The following CD46 variants were observed in gnomAD, a reference collection of about 807,000 sequenced individuals.
CD46 encodes the protein CD46 molecule.
In CD46, 30 loss-of-function variants were observed where a neutral mutation model predicts 53.3. The ratio of observed to expected loss-of-function variants is 0.56; its 90% CI spans 0.42 to 0.76. The LOEUF is 0.76. CD46 is among the 30% of genes least tolerant of loss of function. CD46 has a pLI of 0.00. For synonymous variants in CD46, 142 were observed against 152.0 expected, an observed-to-expected ratio of 0.93 and a Z score of 0.48; for missense variants, 409 against 463.0, an observed-to-expected ratio of 0.88 and a Z score of 1.07.
intron 4 of CD46, chr1:207,760,864 G>A (rs1192474538): frequency 4.9e-6 from 1 of 202,680 alleles, no homozygotes; most frequent in Non-Finnish European, 1.0e-5. Context: ...CAAGCACTCA[G>A]TATCACGAGA....
intron 3 of CD46, 83 bp downstream of exon 3, chr1:207,757,725 C>T (rs1558045553): frequency 3.4e-6 from 3 of 889,458 alleles, no homozygotes; most frequent in Non-Finnish European, 5.4e-6. Flanking sequence ...TTCCTGTAAA[C>T]TTAATTTTGC....
chr1:207,763,848 GT>G (rs10661265), intron 5 of CD46, among the ~76,000 whole-genome samples: 16 of 139,760 alleles, frequency 1.1e-4, no homozygotes, highest in African/African-American at 2.1e-4. Flanking sequence ...TGATTTTTTG[GT>G]TTTTTTTTTT....
chr1:207,752,289 T>A lies in CD46; in HGVS notation c.77T>A (p.Leu26Ter). ...GGGTTGCTTCTGGCGGCCATGGTGT[T>A]GCTGCTGTACTCCTTCTCCGGTAGG... ...FPGLLLAAMVLLLYSFSDACE... is the reference protein window; with the variant it reads ...FPGLLLAAMV The change falls in exon 1 of 13, where the codon TTG (leucine) becomes TAG (stop). Residue 26 changes from leucine to a stop codon, truncating the protein, a stop_gained. Transcript: ENST00000367042. LOFTEE classifies it high-confidence loss of function. This position sits in a 1 kb window ranked among gnomAD's most constrained non-coding sequence, Gnocchi z 4.1. 1 of 1,614,126 alleles carries A rather than the reference T, an allele frequency of 6.2e-7. No homozygotes were observed. Among genetic ancestry groups the A allele is most frequent in the African/African-American group, 1.3e-5 (1 of 75,058 alleles).
chr1:207,792,145 G>T (rs111527457), intron 12 of CD46, among the ~76,000 whole-genome samples: 2 of 152,022 alleles, frequency 1.3e-5, no homozygotes, highest in Non-Finnish European at 2.9e-5. Flanking sequence ...GCATGGTGGT[G>T]CACACCTGTA....
At chr1:207,771,776 A>G (rs1657532028) in intron 8 of CD46, among the ~76,000 whole-genome samples, 1 of 152,194 alleles carries the variant, frequency 6.6e-6, no homozygotes, top group Admixed American at 6.5e-5. Flanking sequence ...TGGTACCAGT[A>G]CCATGCTGTT....
intron 3 of CD46, among the ~76,000 whole-genome samples, 183 bp from the exon 4 acceptor site, chr1:207,759,456 G>A (rs1387304112): frequency 6.6e-6 from 1 of 152,120 alleles, no homozygotes; most frequent in Non-Finnish European, 1.5e-5. Flanking sequence ...ATTCAAATGG[G>A]GAAACTCTAT....
chr1:207,756,998 A>G lies in CD46; in HGVS notation c.98-16A>G, dbSNP rs1238717206. The G allele has an allele frequency of 1.9e-6, 3 of 1,607,592 alleles. No homozygotes were observed. The highest frequency in any genetic ancestry group is 2.2e-5 in the East Asian group (1 of 44,828). Reference sequence around the variant, plus strand: ...ATCAGTACTTCATCTTCATGTTCCTATTCTCTTATCCCTAGATGCCTGTGA... The same window carrying G: ...ATCAGTACTTCATCTTCATGTTCCTGTTCTCTTATCCCTAGATGCCTGTGA... On this transcript the variant is annotated splice_polypyrimidine_tract_variant and intron_variant, in intron 1 of 12. Coordinates refer to ENST00000367042, the MANE Select transcript of CD46 (RefSeq NM_172351.3).
chr1:207,770,195 A>C, intron 7 of CD46, 126 bp from the exon 8 acceptor site: 5 of 724,164 alleles, frequency 6.9e-6, no homozygotes, highest in East Asian at 2.7e-5. Flanking sequence ...AAGATGTGGA[A>C]TTGCAAAGTT....
At chr1:207,791,201 G>A (rs1659767076) in intron 12 of CD46, among the ~76,000 whole-genome samples, 1 of 152,152 alleles carries the variant, frequency 6.6e-6, no homozygotes, top group South Asian at 2.1e-4. Context: ...ATCCACGGGG[G>A]ATACATTCCA....
chr1:207,761,528 A>C, intron 5 of CD46, 82 bp downstream of exon 5: 1 of 1,152,970 alleles, frequency 8.7e-7, no homozygotes, highest in Middle Eastern at 2.0e-4. Context: ...AGATAAACAA[A>C]GCAGGTGTAT....
chr1:207,757,408 A>G, intron 2 of CD46, 132 bp from the exon 3 acceptor site: 2 of 779,664 alleles, frequency 2.6e-6, no homozygotes, highest in Non-Finnish European at 4.3e-6. Context: ...ATGAATCTTA[A>G]GTTTGCCCTT....
chr1:207,771,457 AT>A (rs1473886899), intron 8 of CD46, among the ~76,000 whole-genome samples: 1 of 151,688 alleles, frequency 6.6e-6, no homozygotes, highest in African/African-American at 2.4e-5. Context: ...TGTTTTAGTT[AT>A]GAAGTATTTG....
intron 5 of CD46, among the ~76,000 whole-genome samples, chr1:207,764,762 A>G (rs904257753): frequency 6.6e-6 from 1 of 152,244 alleles, no homozygotes; most frequent in African/African-American, 2.4e-5. Flanking sequence ...ACTCACTTGA[A>G]GATATGGATA....
At chr1:207,761,989 G>A (rs1476837129) in intron 5 of CD46, among the ~76,000 whole-genome samples, 2 of 152,088 alleles carry the variant, frequency 1.3e-5, no homozygotes, top group Non-Finnish European at 2.9e-5. Context: ...TACTCCCCAA[G>A]TACACATGAA....
chr1:207,791,663 A>G (rs1376222327), intron 12 of CD46, among the ~76,000 whole-genome samples: 1 of 152,240 alleles, frequency 6.6e-6, no homozygotes, highest in Non-Finnish European at 1.5e-5. Context: ...TGGGTAACTG[A>G]AACCGTGCAA....
intron 11 of CD46, 188 bp downstream of exon 11, chr1:207,785,870 G>A (rs555683010): frequency 3.6e-6 from 2 of 550,012 alleles, no homozygotes; most frequent in East Asian, 3.3e-5. Flanking sequence ...TAACATCACT[G>A]CAACATAAAA....
chr1:207,755,877 AG>A (rs1655480742), intron 1 of CD46, among the ~76,000 whole-genome samples: 1 of 152,256 alleles, frequency 6.6e-6, no homozygotes, highest in Non-Finnish European at 1.5e-5. Flanking sequence ...TGTGTTTGAC[AG>A]CAGTGGATTT....
chr1:207,753,452 C>G (rs1404713996), intron 1 of CD46, among the ~76,000 whole-genome samples: 1 of 152,222 alleles, frequency 6.6e-6, no homozygotes, highest in African/African-American at 2.4e-5. Flanking sequence ...GGGTGATTGC[C>G]TGTGCCCAGG....
intron 4 of CD46, chr1:207,760,671 T>G (rs1488800712): frequency 6.6e-6 from 1 of 152,656 alleles, no homozygotes. Context: ...AATTGGCTCA[T>G]GTTTCTACAA....
Sources: allele counts gnomAD v4.1 joint callset (sites outside exome capture counted in the v4.1 genomes callset), GRCh38; gene constraint gnomAD v4.1.1; non-coding constraint Gnocchi (gnomAD v3.1); transcripts MANE v1.5; gene names NCBI Gene and HGNC (gene_info 2026-07-23, HGNC 2026-07-21).